CSMD3: variants seen among roughly 807,000 people sequenced by gnomAD.
The protein encoded by CSMD3 is CUB and sushi domain-containing protein 3.
CSMD3 carries 177 observed loss-of-function variants against 435.2 expected under a neutral mutation model. That is an observed-to-expected ratio of 0.41 (90% CI 0.36 to 0.46). CSMD3 has a LOEUF of 0.46. CSMD3 is among the 20% of genes least tolerant of loss of function. The pLI, the probability that CSMD3 is intolerant of heterozygous loss-of-function variation, is 0.34. For missense variants in CSMD3, 4,265 were observed against 4,504.6 expected, an observed-to-expected ratio of 0.95 and a Z score of 1.52; for synonymous variants, 1,656 against 1,520.5, an observed-to-expected ratio of 1.09 and a Z score of -2.07.
chr8:113,223,339 C>G (rs2092991352), intron 3 of CSMD3, among the ~76,000 whole-genome samples: 4 of 150,310 alleles, frequency 2.7e-5, no homozygotes, highest in African/African-American at 2.4e-5. Context: ...AATAATATGT[C>G]ACCAAGTGCA....
At chr8:113,142,647 A>G (rs1197535899) in intron 4 of CSMD3, among the ~76,000 whole-genome samples, 1 of 151,174 alleles carries the variant, frequency 6.6e-6, no homozygotes, top group Non-Finnish European at 1.5e-5. Context: ...GGGTAGACAC[A>G]TATAATTAGA....
chr8:112,608,084 A>G (rs536742678), intron 22 of CSMD3, among the ~76,000 whole-genome samples: 6 of 152,294 alleles, frequency 3.9e-5, no homozygotes, highest in East Asian at 3.9e-4. Flanking sequence ...AACTGGTAGA[A>G]CTAATAAATT....
intron 15 of CSMD3, among the ~76,000 whole-genome samples, chr8:112,684,186 C>T (rs955435907): frequency 1.3e-5 from 2 of 151,830 alleles, no homozygotes; most frequent in Non-Finnish European, 2.9e-5. Context: ...TAGATAGATG[C>T]ATATACATGT....
At chr8:112,518,176 C>A (rs1236052645) in intron 27 of CSMD3, among the ~76,000 whole-genome samples, 1 of 151,912 alleles carries the variant, frequency 6.6e-6, no homozygotes, top group Non-Finnish European at 1.5e-5. Flanking sequence ...TAGTTTCATT[C>A]TTTTATATAA....
In CSMD3 at chr8:112,812,819, T is replaced by C. The variant is rs1311482929; in HGVS notation, c.1860-12545A>G. Among the ~76,000 whole-genome samples the C allele has an allele frequency of 5.9e-5, 9 of 152,200 alleles. No individual in the cohort carries two copies. The East Asian group carries it at 7.7e-4, about 13-fold the overall frequency. ...CATTCTAGTCTTCCTAGTCAGTCAC[T>C]TCCTGCTAAAATGAGATAAAGTCCT... On this transcript the variant is annotated intron_variant, in intron 12 of 70. Coordinates refer to ENST00000297405, the MANE Select transcript of CSMD3 (RefSeq NM_198123.2).
chr8:112,370,913 T>C (rs1220817576), intron 38 of CSMD3, among the ~76,000 whole-genome samples: 1 of 152,162 alleles, frequency 6.6e-6, no homozygotes, highest in Non-Finnish European at 1.5e-5. Flanking sequence ...ATTTGTTGAA[T>C]GAATGAAGAT....
At chr8:113,114,687 C>G (rs1317577984) in intron 4 of CSMD3, among the ~76,000 whole-genome samples, 1 of 151,984 alleles carries the variant, frequency 6.6e-6, no homozygotes, top group Non-Finnish European at 1.5e-5. Flanking sequence ...CATTATTAAC[C>G]AATAATATTT....
chr8:113,055,951 T>C (rs182481193), intron 5 of CSMD3, among the ~76,000 whole-genome samples: 2 of 152,082 alleles, frequency 1.3e-5, no homozygotes, highest in African/African-American at 4.8e-5. Context: ...ACTGTGACAG[T>C]TGGGTGAAGA....
At chr8:112,753,419 T>C (rs188645379) in intron 13 of CSMD3, among the ~76,000 whole-genome samples, 10 of 152,292 alleles carry the variant, frequency 6.6e-5, no homozygotes, top group African/African-American at 2.4e-4. Flanking sequence ...GAGGAATATA[T>C]TTCCCTTCCT....
chr8:113,319,062 C>G (rs1053904725), intron 1 of CSMD3, among the ~76,000 whole-genome samples: 14 of 151,706 alleles, frequency 9.2e-5, no homozygotes, highest in Admixed American at 3.9e-4. Flanking sequence ...TGGTATATAC[C>G]TGGAAGAGGA....
At chr8:113,236,628 C>T (rs1225868728) in intron 3 of CSMD3, among the ~76,000 whole-genome samples, 1 of 152,092 alleles carries the variant, frequency 6.6e-6, no homozygotes, top group African/African-American at 2.4e-5. Flanking sequence ...AGGGGCTCTC[C>T]AGGTTCTCAG....
At chr8:112,858,526 C>T (rs2080731728) in intron 11 of CSMD3, among the ~76,000 whole-genome samples, 1 of 151,652 alleles carries the variant, frequency 6.6e-6, no homozygotes, top group Non-Finnish European at 1.5e-5. Context: ...AGCAGGATAG[C>T]AAGAGCAGGA....
intron 3 of CSMD3, among the ~76,000 whole-genome samples, chr8:113,196,362 A>T (rs1011554552): frequency 1.3e-5 from 2 of 151,286 alleles, no homozygotes; most frequent in Non-Finnish European, 3.0e-5. Context: ...AGAGGTATGA[A>T]TACACATGAC....
chr8:112,889,651 T>C (rs909449407), intron 10 of CSMD3, among the ~76,000 whole-genome samples: 9 of 151,642 alleles, frequency 5.9e-5, no homozygotes, highest in Admixed American at 1.3e-4. Context: ...GCAGGCAAAT[T>C]TGAACTTGGG....
At chr8:112,852,909 G>A (rs1040736401) in intron 11 of CSMD3, among the ~76,000 whole-genome samples, 1 of 130,934 alleles carries the variant, frequency 7.6e-6, no homozygotes, top group Non-Finnish European at 1.6e-5. Context: ...GTGACAGAGT[G>A]AGACTCCACC....
At chr8:113,298,772 T>A (rs1258445560) in intron 2 of CSMD3, among the ~76,000 whole-genome samples, 3 of 151,528 alleles carry the variant, frequency 2.0e-5, no homozygotes, top group Non-Finnish European at 4.4e-5. Flanking sequence ...CAAAGCAGAG[T>A]TCAAGGTCTG....
chr8:112,780,105 G>C (rs1587270514), intron 13 of CSMD3, among the ~76,000 whole-genome samples: 1 of 152,046 alleles, frequency 6.6e-6, no homozygotes, highest in Non-Finnish European at 1.5e-5. Flanking sequence ...CATAGGAATT[G>C]TGGTGATTAT....
chr8:112,296,083 A>G (rs1820237382), intron 53 of CSMD3, 77 bp from the exon 54 acceptor site: 1 of 1,165,626 alleles, frequency 8.6e-7, no homozygotes, highest in Non-Finnish European at 1.3e-6. Flanking sequence ...GTGGAACATG[A>G]GCAAACCTTT....
chr8:113,165,363 A>G (rs1486769203), intron 4 of CSMD3, among the ~76,000 whole-genome samples: 1 of 152,190 alleles, frequency 6.6e-6, no homozygotes, highest in African/African-American at 2.4e-5. Context: ...AGCTTCTTCA[A>G]AAATGTAAAC....
Sources: allele counts gnomAD v4.1 joint callset (sites outside exome capture counted in the v4.1 genomes callset), GRCh38; gene constraint gnomAD v4.1.1; transcripts MANE v1.5; gene names NCBI Gene and HGNC (gene_info 2026-07-23, HGNC 2026-07-21).